Variants in COMMD10 observed in about 807,000 individuals in gnomAD.
COMMD10 encodes COMM domain containing 10, also known as COMM domain-containing protein 10.
In COMMD10, 33 loss-of-function variants were observed where a neutral mutation model predicts 28.9. The observed-to-expected ratio is 1.14, with a 90% CI of 0.87 to 1.53. The LOEUF is 1.53. Among genes scored for constraint, COMMD10 ranks in the 40% most tolerant of loss-of-function variants. COMMD10 has a pLI of 0.00. For synonymous variants in COMMD10, 110 were observed against 81.7 expected, an observed-to-expected ratio of 1.35 and a Z score of -1.87; for missense variants, 310 against 233.4, an observed-to-expected ratio of 1.33 and a Z score of -2.14.
chr5:116,234,790 G>T (rs1029848345), intron 5 of COMMD10, among the ~76,000 whole-genome samples: 1 of 152,134 alleles, frequency 6.6e-6, no homozygotes, highest in Non-Finnish European at 1.5e-5. Context: ...GATTTTAAAA[G>T]GTTCTCAGAG....
chr5:116,140,632 A>C (rs1752169351), intron 5 of COMMD10, among the ~76,000 whole-genome samples: 2 of 151,700 alleles, frequency 1.3e-5, no homozygotes, highest in Admixed American at 1.3e-4. Flanking sequence ...GTTGTGAGAT[A>C]ATATTTCATT....
intron 5 of COMMD10, among the ~76,000 whole-genome samples, chr5:116,135,778 C>G (rs1752008715): frequency 6.6e-6 from 1 of 152,144 alleles, no homozygotes; most frequent in Admixed American, 6.6e-5. Flanking sequence ...GGGTTTAGTA[C>G]TATCCATGGT....
Position 116,151,835 on chromosome 5 carries a change from G to T in COMMD10, c.510+17657G>T, listed in dbSNP as rs1001232371. ...CCTGGATTCATTAATTTTTTGAAGG[G>T]TTTTTTGTGTCTGTATTTCCTTCAG... On this transcript the variant is annotated intron_variant, in intron 5 of 6. Transcript: ENST00000274458. Among the ~76,000 whole-genome samples the T allele has an allele frequency of 1.2e-4, 18 of 151,718 alleles. 1 individual carries two copies. Among genetic ancestry groups the T allele is most frequent in the East Asian group, 1.2e-3 (6 of 5,128 alleles).
intron 4 of COMMD10, among the ~76,000 whole-genome samples, chr5:116,126,845 C>G (rs1455522256): frequency 6.6e-6 from 1 of 152,048 alleles, no homozygotes; most frequent in East Asian, 1.9e-4. Context: ...TAGGCAATAC[C>G]ATTCAGGCCA....
chr5:116,263,717 G>C (rs913256936), intron 5 of COMMD10, among the ~76,000 whole-genome samples: 1 of 151,638 alleles, frequency 6.6e-6, no homozygotes, highest in Non-Finnish European at 1.5e-5. Flanking sequence ...TTGTCAACTA[G>C]AAAATATTTA....
chr5:116,246,780 G>C lies in COMMD10; in HGVS notation c.511-44737G>C, dbSNP rs143507381. 7.4e-3 allele frequency among the ~76,000 whole-genome samples: 1,125 copies of C among 152,262 alleles called. 45 individuals are homozygous for C. Among genetic ancestry groups the C allele is most frequent in the Admixed American group, 0.067 (1,017 of 15,278 alleles). ...TAAATAGTGTTGGGATAATTGGCTA[G>C]CCGTATGCAGAAGGTTGAAACTGGA... On this transcript the variant is annotated intron_variant, in intron 5 of 6. Coordinates refer to ENST00000274458, the MANE Select transcript of COMMD10 (RefSeq NM_016144.4).
chr5:116,171,798 G>T (rs1420410767), intron 5 of COMMD10, among the ~76,000 whole-genome samples: 1 of 149,772 alleles, frequency 6.7e-6, no homozygotes, highest in Admixed American at 6.6e-5. Context: ...TGGACACAGG[G>T]AGGGGAACAT....
At chr5:116,122,450 G>A (rs1167108201) in intron 4 of COMMD10, among the ~76,000 whole-genome samples, 1 of 152,226 alleles carries the variant, frequency 6.6e-6, no homozygotes, top group African/African-American at 2.4e-5. Flanking sequence ...GCTCAGGATT[G>A]ACTTGGCAAT....
At chr5:116,288,207 T>A (rs573649554) in intron 5 of COMMD10, among the ~76,000 whole-genome samples, 2 of 151,974 alleles carry the variant, frequency 1.3e-5, no homozygotes, top group East Asian at 3.9e-4. Context: ...AGATGCAGTA[T>A]TCCTGATTAA....
intron 5 of COMMD10, among the ~76,000 whole-genome samples, chr5:116,196,820 A>G (rs1176040414): frequency 1.3e-5 from 2 of 152,112 alleles, no homozygotes; most frequent in African/African-American, 4.8e-5. Flanking sequence ...ATCTTCCTAT[A>G]TAAAGGACAT....
chr5:116,184,181 A>C (rs1325942753), intron 5 of COMMD10, among the ~76,000 whole-genome samples: 1 of 150,614 alleles, frequency 6.6e-6, no homozygotes, highest in East Asian at 1.9e-4. Context: ...CACGTAGAAA[A>C]AGGACAGACA....
At chr5:116,119,754 G>A (rs542718437) in intron 4 of COMMD10, among the ~76,000 whole-genome samples, 8 of 152,082 alleles carry the variant, frequency 5.3e-5, no homozygotes, top group African/African-American at 1.9e-4. Flanking sequence ...TAGGACTACA[G>A]GTGTATGCTG....
chr5:116,276,769 A>G (rs898775695), intron 5 of COMMD10, among the ~76,000 whole-genome samples: 1 of 151,838 alleles, frequency 6.6e-6, no homozygotes, highest in East Asian at 1.9e-4. Flanking sequence ...AAAAGACCAC[A>G]TATATGATCC....
intron 5 of COMMD10, among the ~76,000 whole-genome samples, chr5:116,213,117 C>T (rs1195852105): frequency 6.6e-6 from 1 of 151,982 alleles, no homozygotes; most frequent in Non-Finnish European, 1.5e-5. Context: ...TGCTAGAATA[C>T]CATTATGATA....
chr5:116,252,062 T>C (rs866107468), intron 5 of COMMD10, among the ~76,000 whole-genome samples: 1 of 150,300 alleles, frequency 6.7e-6, no homozygotes, highest in Middle Eastern at 3.4e-3. Context: ...ATGGTGAGCA[T>C]TTTTTCATGT....
At chr5:116,275,746 T>C (rs1304300024) in intron 5 of COMMD10, among the ~76,000 whole-genome samples, 8 of 151,706 alleles carry the variant, frequency 5.3e-5, no homozygotes, top group Non-Finnish European at 1.0e-4. Flanking sequence ...AATAAATTAA[T>C]GAAATAAAGA....
intron 5 of COMMD10, among the ~76,000 whole-genome samples, chr5:116,259,005 A>G (rs1750365660): frequency 6.6e-6 from 1 of 150,570 alleles, no homozygotes. Flanking sequence ...GGGATTCTGA[A>G]TAATCTTTTG....
chr5:116,233,016 G>A (rs1289945988), intron 5 of COMMD10, among the ~76,000 whole-genome samples: 2 of 152,082 alleles, frequency 1.3e-5, no homozygotes, highest in East Asian at 1.9e-4. Flanking sequence ...AAAATGTGGA[G>A]CACGGTAGCA....
At chr5:116,103,029 G>C (rs543957151) in intron 4 of COMMD10, among the ~76,000 whole-genome samples, 2 of 152,214 alleles carry the variant, frequency 1.3e-5, no homozygotes, top group Admixed American at 6.5e-5. Context: ...AGTATTCCAT[G>C]GTGTATATGT....
Sources: gnomAD v4.1 joint callset for allele counts (sites outside exome capture counted in the v4.1 genomes callset) on GRCh38, gnomAD v4.1.1 for gene constraint, MANE v1.5 for transcripts, NCBI Gene and HGNC (gene_info 2026-07-23, HGNC 2026-07-21) for gene names.